DOC2B: variants seen among roughly 807,000 people sequenced by gnomAD.
The protein encoded by DOC2B is double C2-like domain-containing protein beta.
In DOC2B, 21 loss-of-function variants were observed where a neutral mutation model predicts 28.9. The observed-to-expected ratio is 0.73, with a 90% CI of 0.52 to 1.05. DOC2B has a LOEUF of 1.05. DOC2B is among the 50% of genes least tolerant of loss of function. DOC2B has a pLI of 0.00. For missense variants in DOC2B, 384 were observed against 421.1 expected, an observed-to-expected ratio of 0.91 and a Z score of 0.77; for synonymous variants, 194 against 178.1, an observed-to-expected ratio of 1.09 and a Z score of -0.71.
chr17:161,387 A>G (rs766960104), intron 5 of DOC2B, 28 bp downstream of exon 5: 1 of 1,550,690 alleles, frequency 6.4e-7, no homozygotes, highest in South Asian at 1.2e-5. Context: ...AGCCAGGTAC[A>G]CAGCAGGTGC....
intron 1 of DOC2B, among the ~76,000 whole-genome samples, chr17:176,357 A>G (rs990050103): frequency 6.7e-6 from 1 of 148,718 alleles, no homozygotes; most frequent in African/African-American, 2.5e-5. Flanking sequence ...TAACTTAAAA[A>G]ATATATTTAC....
At position 146,850 on chromosome 17, in the gene DOC2B, T is replaced by C. The variant is rs902789972; in HGVS notation, c.*591A>G. 1 of 152,258 alleles carries C rather than the reference T, an allele frequency of 6.6e-6. No homozygotes were observed. Among genetic ancestry groups the C allele is most frequent in the Admixed American group, 6.5e-5 (1 of 15,280 alleles). 9.4% of individuals were successfully genotyped at this position (152,258 alleles called of 1,614,324 possible). ...CCCTGAGGGCAGGCCCTGTGTCTCATTCACCCCCAGGGCTTGTGGAATCAT... is the reference window on the plus strand; with the variant it reads ...CCCTGAGGGCAGGCCCTGTGTCTCACTCACCCCCAGGGCTTGTGGAATCAT... On this transcript the variant is annotated 3_prime_UTR_variant, in exon 9 of 9. Coordinates refer to ENST00000613549, the MANE Select transcript of DOC2B (RefSeq NM_003585.5).
In DOC2B at chr17:156,299, C is replaced by T. The variant is rs1555522497; in HGVS notation, c.844G>A (p.Gly282Ser). 2 of 1,551,664 alleles carry T rather than the reference C, an allele frequency of 1.3e-6. No homozygotes were observed. Among genetic ancestry groups the T allele is most frequent in the South Asian group, 1.2e-5 (1 of 84,062 alleles). ...CACCGCACGATGCCTACCAGCAGGC[C>T]TTGCTTCTGTGAGCTGTACTTGAGG... is the stretch of plus-strand genomic sequence containing the variant. Reference protein sequence around the residue: ...ISLKYSSQKQGLLVGIVRCAH... With the variant: ...ISLKYSSQKQSLLVGIVRCAH... Residue 282 changes from glycine (G) to serine (S), a missense_variant, in exon 6 of 9, where the codon GGC becomes AGC. Gly to Ser is a moderately conservative substitution (Grantham distance 56, BLOSUM62 0). Transcript: ENST00000613549.
intron 6 of DOC2B, among the ~76,000 whole-genome samples, chr17:150,024 T>G (rs1000388261): frequency 4.8e-4 from 73 of 152,246 alleles, no homozygotes; most frequent in African/African-American, 1.7e-3. Flanking sequence ...ACTAAGGCCT[T>G]AGGCTCTGAT....
In DOC2B at chr17:159,439, T is replaced by C. The variant is rs2040174008; in HGVS notation, c.765+1976A>G. ...TCAGGAGTTTGAGACACCTGGACAA[T>C]ATGGTGAAACCCCATCTCTACCAAA... On this transcript the variant is annotated intron_variant, in intron 5 of 8. Transcript: ENST00000613549. Among the ~76,000 whole-genome samples, 3 of 152,088 alleles carry C rather than the reference T, an allele frequency of 2.0e-5. No homozygotes were observed. The South Asian group carries it at 6.2e-4, about 31-fold the overall frequency.
intron 1 of DOC2B, among the ~76,000 whole-genome samples, chr17:180,586 TGCGGGCCGCCGGGACCAC>T (rs1252061882): frequency 6.6e-6 from 1 of 152,028 alleles, no homozygotes; most frequent in East Asian, 1.9e-4. Context: ...AGCTGCGCTC[TGCGGGCCGCCGGGACCAC>T]GCGGGAGGCC....
intron 8 of DOC2B, among the ~76,000 whole-genome samples, chr17:147,783 A>C (rs2040031973): frequency 6.6e-6 from 1 of 152,166 alleles, no homozygotes; most frequent in Admixed American, 6.5e-5. Context: ...CAGGGCAGGG[A>C]TAGGGGCAGG....
Position 147,471 on chromosome 17 carries a change from G to A in DOC2B, c.1209C>T (p.Ser403=), listed in dbSNP as rs1187991254. Residue 403 remains serine, a synonymous_variant, in exon 9 of 9, where the codon AGC becomes AGT. Transcript: ENST00000613549. ...KRIERWHTLT[S]ELPGAVLSD ...CGCTGAGCACAGCCCCTGGGAGCTCGCTGGTGAGCGTGTGCCAGCGCTCGA... is the reference window on the plus strand; with the variant it reads ...CGCTGAGCACAGCCCCTGGGAGCTCACTGGTGAGCGTGTGCCAGCGCTCGA... 4 of 398,646 alleles carry A rather than the reference G, an allele frequency of 1.0e-5. No homozygotes were observed. The highest frequency in any genetic ancestry group is 1.3e-4 in the South Asian group (1 of 7,876). The allele number at this position is 398,646 out of a possible 1,614,324, so 24.7% of individuals were successfully genotyped here.
At chr17:179,723 C>A (rs1302068437) in intron 1 of DOC2B, among the ~76,000 whole-genome samples, 4 of 152,240 alleles carry the variant, frequency 2.6e-5, no homozygotes, top group Admixed American at 6.5e-5. Flanking sequence ...TCTTCCGACC[C>A]AATCTCCCCA....
intron 2 of DOC2B, among the ~76,000 whole-genome samples, chr17:172,125 C>T (rs889351190): frequency 1.3e-4 from 20 of 152,064 alleles, no homozygotes; most frequent in African/African-American, 4.8e-4. Context: ...TACAGTGGCT[C>T]GGCTTCCAGG....
intron 4 of DOC2B, 73 bp downstream of exon 4, chr17:162,008 C>T (rs2040209986): frequency 1.8e-6 from 2 of 1,091,848 alleles, no homozygotes; most frequent in Admixed American, 2.0e-5. Flanking sequence ...CCCTCCAGTC[C>T]TGCCTTCATT....
chr17:179,027 A>C (rs2040402133), intron 1 of DOC2B, among the ~76,000 whole-genome samples: 1 of 152,206 alleles, frequency 6.6e-6, no homozygotes, highest in Non-Finnish European at 1.5e-5. Context: ...TCAGCCTCCC[A>C]TAGGATCCAA....
Position 156,278 on chromosome 17 carries a change from G to C in DOC2B, c.865C>G (p.Arg289Gly), listed in dbSNP as rs180965628. The C allele has an allele frequency of 6.4e-7, 1 of 1,551,644 alleles. No individual in the cohort carries two copies. The highest frequency in any genetic ancestry group is 2.0e-5 in the Admixed American group (1 of 51,006). The change falls in exon 6 of 9, where the codon CGG (arginine) becomes GGG (glycine). Residue 289 changes from arginine to glycine, a missense_variant. Physicochemically the swap from Arg to Gly is moderately radical, Grantham distance 125. Transcript: ENST00000613549. ...QKQGLLVGIV[R>G]CAHLAAMDAN... The stretch of plus-strand genomic sequence containing the variant: ...TCCATGGCGGCCAGGTGGGCGCACC[G>C]CACGATGCCTACCAGCAGGCCTTGC...
Position 181,128 on chromosome 17 carries a change from C to T in DOC2B, c.352G>A (p.Gly118Ser), listed in dbSNP as rs1431136829. The T allele has an allele frequency of 1.6e-6, 2 of 1,252,586 alleles. No homozygotes were observed. Among genetic ancestry groups the T allele is most frequent in the Admixed American group, 4.2e-5 (1 of 23,590 alleles). 77.6% of individuals were successfully genotyped at this position (1,252,586 alleles called of 1,614,324 possible). A position where few individuals can be genotyped will look rare whatever the true frequency, so the allele number is the denominator to read the frequency against. Residue 118 changes from glycine (G) to serine (S), a missense_variant, in exon 1 of 9, where the codon GGC becomes AGC. Gly to Ser is a moderately conservative substitution (Grantham distance 56, BLOSUM62 0). Coordinates refer to ENST00000613549, the MANE Select transcript of DOC2B (RefSeq NM_003585.5). This position sits in a 1 kb window ranked among gnomAD's most constrained non-coding sequence, Gnocchi z 7.0. ...KPPEDEPDAD[G>S]YESDDCTALG... is the part of the protein sequence containing the mutation. ...TTACTGCAGTCGTCCGACTCGTAGC[C>T]GTCGGCGTCCGGCTCGTCCTCCGGC...
chr17:162,037 G>T, intron 4 of DOC2B, 44 bp downstream of exon 4: 1 of 1,364,352 alleles, frequency 7.3e-7, no homozygotes, highest in Non-Finnish European at 1.0e-6. Flanking sequence ...CCGGGTGGGA[G>T]TAGGGGTTGG....
chr17:175,146 G>A (rs1302459276), intron 1 of DOC2B, among the ~76,000 whole-genome samples: 2 of 152,228 alleles, frequency 1.3e-5, no homozygotes, highest in Non-Finnish European at 2.9e-5. Context: ...GCTGAGGTGG[G>A]AGGACCGCTT....
chr17:170,206 T>C (rs1312317785), intron 2 of DOC2B, among the ~76,000 whole-genome samples: 1 of 152,158 alleles, frequency 6.6e-6, no homozygotes, highest in Non-Finnish European at 1.5e-5. Context: ...AATGCTCAGT[T>C]CTGCTCCTAG....
At chr17:162,895 G>A (rs768200571) in intron 3 of DOC2B, among the ~76,000 whole-genome samples, 33 of 152,188 alleles carry the variant, frequency 2.2e-4, no homozygotes, top group African/African-American at 4.3e-4. Context: ...TGGCCTCTCC[G>A]AGCTGGAATA....
chr17:157,924 A>G (rs746303864), intron 5 of DOC2B, among the ~76,000 whole-genome samples: 1 of 152,334 alleles, frequency 6.6e-6, no homozygotes, highest in South Asian at 2.1e-4. Context: ...GCCCATGACA[A>G]TGGAGCCTGG....
Sources: gnomAD v4.1 joint callset for allele counts (sites outside exome capture counted in the v4.1 genomes callset) on GRCh38, gnomAD v4.1.1 for gene constraint, Gnocchi (gnomAD v3.1) non-coding constraint, MANE v1.5 for transcripts, NCBI Gene and HGNC (gene_info 2026-07-23, HGNC 2026-07-21) for gene names.